Variants in PRKN observed in about 807,000 individuals in gnomAD.
PRKN encodes the protein E3 ubiquitin-protein ligase parkin.
Under a neutral mutation model 59.5 loss-of-function variants are expected in PRKN, and 56 were observed. The ratio of observed to expected loss-of-function variants is 0.94; its 90% CI spans 0.76 to 1.18. The LOEUF is 1.18. Among genes scored for constraint, PRKN ranks in the 50% most tolerant of loss-of-function variants. The pLI is 0.00. For missense variants in PRKN, 657 were observed against 596.4 expected (o/e 1.10, Z -1.06); for synonymous variants, 250 against 222.1 (o/e 1.13, Z -1.12).
rs1259275083 is a variant in PRKN at position 161,379,496 on chromosome 6, T to C, written c.1167+7298A>G. Among the ~76,000 whole-genome samples, 1 of 152,230 alleles carries C rather than the reference T, an allele frequency of 6.6e-6. No individual in the cohort carries two copies. The highest frequency in any genetic ancestry group is 1.9e-4 in the East Asian group (1 of 5,198). On this transcript the variant is annotated intron_variant, in intron 10 of 11. Transcript: ENST00000366898. The surrounding 1 kb of genome is among the most constrained non-coding windows in gnomAD (Gnocchi z 4.9). ...AAGGGGCAGACGACAGCAGATGCTG[T>C]GAGGCTGGCCAGACCCCTCCTCCAG...
intron 6 of PRKN, among the ~76,000 whole-genome samples, chr6:161,952,102 C>T (rs561823087): frequency 3.3e-5 from 5 of 151,986 alleles, no homozygotes; most frequent in Non-Finnish European, 7.4e-5. Flanking sequence ...TTGAAAATGG[C>T]GTTCAATTTA....
rs371839416 is a variant in PRKN at position 161,428,366 on chromosome 6, G to A, written c.1084-41489C>T. On this transcript the variant is annotated intron_variant, in intron 9 of 11. Coordinates refer to ENST00000366898, the MANE Select transcript of PRKN (RefSeq NM_004562.3). The surrounding 1 kb of genome is among the most constrained non-coding windows in gnomAD (Gnocchi z 4.0). Reference sequence around the variant, plus strand: ...AGAGAGGGGCAGAGGGAGGCAGGACGGGCTGCTGGGGTGGAGAGTGCAGAC... The same window carrying A: ...AGAGAGGGGCAGAGGGAGGCAGGACAGGCTGCTGGGGTGGAGAGTGCAGAC... 1.8e-4 allele frequency among the ~76,000 whole-genome samples: 27 copies of A among 152,278 alleles called. No individual in the cohort carries two copies. The highest frequency in any genetic ancestry group is 1.1e-3 in the Admixed American group (17 of 15,284).
chr6:161,637,101 G>A (rs1223342460), intron 7 of PRKN, among the ~76,000 whole-genome samples: 1 of 152,234 alleles, frequency 6.6e-6, no homozygotes, highest in African/African-American at 2.4e-5. Context: ...GTTGGTGGAA[G>A]AGGTAAGATG....
chr6:162,079,488 G>A (rs913993854), intron 4 of PRKN, among the ~76,000 whole-genome samples: 3 of 152,062 alleles, frequency 2.0e-5, no homozygotes, highest in Non-Finnish European at 2.9e-5. Context: ...ATTTTGTGCT[G>A]TCCTTCTCAG....
At chr6:162,181,418 G>A (rs1186946349) in intron 4 of PRKN, among the ~76,000 whole-genome samples, 1 of 152,170 alleles carries the variant, frequency 6.6e-6, no homozygotes, top group East Asian at 1.9e-4. Context: ...TATTGGCTCT[G>A]GAACCACTTA....
intron 7 of PRKN, among the ~76,000 whole-genome samples, chr6:161,676,722 A>T (rs796868927): frequency 6.6e-6 from 1 of 152,186 alleles, no homozygotes; most frequent in African/African-American, 2.4e-5. Context: ...TGGCAGGCCT[A>T]GTCAAAGGCT....
Position 161,372,594 on chromosome 6 carries a change from T to C in PRKN, c.1168-12389A>G, listed in dbSNP as rs1457296787. The stretch of plus-strand genomic sequence containing the variant: ...GCCAACAATCCCTGCCTTGTGGAGC[T>C]TCCCCATTAGCAGAACGGCGGCTCT... On this transcript the variant is annotated intron_variant, in intron 10 of 11. Transcript: ENST00000366898. The surrounding 1 kb of genome is among the most constrained non-coding windows in gnomAD (Gnocchi z 4.2). 9.9e-5 allele frequency among the ~76,000 whole-genome samples: 15 copies of C among 152,118 alleles called. No individual in the cohort carries two copies. The highest frequency in any genetic ancestry group is 9.8e-4 in the Admixed American group (15 of 15,258).
intron 6 of PRKN, among the ~76,000 whole-genome samples, chr6:161,884,587 T>C (rs1795062054): frequency 1.3e-5 from 2 of 152,206 alleles, no homozygotes; most frequent in Non-Finnish European, 2.9e-5. Context: ...ACGATACGAA[T>C]GGTGATTCTT....
chr6:161,923,664 T>C (rs140599572), intron 6 of PRKN, among the ~76,000 whole-genome samples: 380 of 152,320 alleles, frequency 2.5e-3, no homozygotes, highest in Non-Finnish European at 4.4e-3. Flanking sequence ...ACTGTATTGT[T>C]ATTGTTGCTA....
At chr6:161,598,410 T>C (rs1781992291) in intron 7 of PRKN, among the ~76,000 whole-genome samples, 1 of 152,152 alleles carries the variant, frequency 6.6e-6, no homozygotes, top group African/African-American at 2.4e-5. Context: ...AGAAAAGACC[T>C]GTAAATGAAA....
rs988225615 is a variant in PRKN at position 161,917,775 on chromosome 6, C to G, written c.734+55527G>C. 7.9e-5 allele frequency among the ~76,000 whole-genome samples: 12 copies of G among 152,316 alleles called. 1 individual carries two copies. Among genetic ancestry groups the G allele is most frequent in the South Asian group, 2.1e-4 (1 of 4,824 alleles). On this transcript the variant is annotated intron_variant, in intron 6 of 11. Transcript: ENST00000366898. ...TTTTGCTTGTAAAAATTTAGTTTTT[C>G]AATTTGCCTCCTGCTGCACAGAAGT...
chr6:162,341,914 A>AC (rs1163653708), intron 2 of PRKN, among the ~76,000 whole-genome samples: 7 of 151,958 alleles, frequency 4.6e-5, no homozygotes, highest in African/African-American at 1.7e-4. Context: ...AAAAAAAAAA[A>AC]AACTCCTGGT....
chr6:162,152,241 TGGCTCACATCGTTTCCTA>T (rs1782303597), intron 4 of PRKN, among the ~76,000 whole-genome samples: 1 of 152,176 alleles, frequency 6.6e-6, no homozygotes, highest in South Asian at 2.1e-4. Context: ...TTATTGTGAT[TGGCTCACATCGTTTCCTA>T]GTATTTCACA....
chr6:162,331,150 G>A (rs1286520375), intron 2 of PRKN, among the ~76,000 whole-genome samples: 1 of 145,628 alleles, frequency 6.9e-6, no homozygotes, highest in Non-Finnish European at 1.5e-5. Context: ...CCAACGTGGT[G>A]AAACCCCATC....
chr6:162,054,238 T>G, intron 4 of PRKN, 64 bp from the exon 5 acceptor site: 3 of 954,292 alleles, frequency 3.1e-6, no homozygotes, highest in Non-Finnish European at 5.1e-6. Flanking sequence ...CCTTAAGACA[T>G]GTTTCCACTT....
intron 7 of PRKN, among the ~76,000 whole-genome samples, chr6:161,730,731 C>T (rs1787667859): frequency 6.6e-6 from 1 of 152,072 alleles, no homozygotes; most frequent in African/African-American, 2.4e-5. Flanking sequence ...TGAAGTGTTG[C>T]ATTCTTTCTG....
intron 1 of PRKN, among the ~76,000 whole-genome samples, chr6:162,725,660 G>A (rs1457426560): frequency 6.6e-5 from 10 of 152,034 alleles, no homozygotes; most frequent in Admixed American, 6.5e-4. Flanking sequence ...CTACTCAGGA[G>A]GCTGAGATGG....
intron 1 of PRKN, among the ~76,000 whole-genome samples, chr6:162,463,108 C>T (rs554627125): frequency 2.6e-5 from 4 of 151,780 alleles, no homozygotes; most frequent in Non-Finnish European, 4.4e-5. Flanking sequence ...AAAAAAACCA[C>T]GTCATCTTTG....
intron 5 of PRKN, among the ~76,000 whole-genome samples, chr6:161,987,885 G>A (rs1327570932): frequency 6.6e-6 from 1 of 152,188 alleles, no homozygotes; most frequent in Admixed American, 6.5e-5. Context: ...GGCAAAGAAG[G>A]AGGATGGCAA....
Sources: allele counts gnomAD v4.1 joint callset (sites outside exome capture counted in the v4.1 genomes callset), GRCh38; gene constraint gnomAD v4.1.1; non-coding constraint Gnocchi (gnomAD v3.1); transcripts MANE v1.5; gene names NCBI Gene and HGNC (gene_info 2026-07-23, HGNC 2026-07-21).